The following GPR137C variants were observed in gnomAD, a reference collection of about 807,000 sequenced individuals.
GPR137C encodes G protein-coupled receptor 137C.
GPR137C carries 27 observed loss-of-function variants against 43.4 expected under a neutral mutation model. That is an observed-to-expected ratio of 0.62 (90% CI 0.46 to 0.86). The LOEUF is 0.86. Among genes scored for constraint, GPR137C ranks in the 40% least tolerant of loss-of-function variants. The probability of loss-of-function intolerance (pLI) is 0.00; values close to 1 mark genes in which losing one functional copy is unlikely to be tolerated. For synonymous variants in GPR137C, 285 were observed against 226.9 expected, an observed-to-expected ratio of 1.26 and a Z score of -2.30; for missense variants, 522 against 534.6, an observed-to-expected ratio of 0.98 and a Z score of 0.23.
intron 3 of GPR137C, chr14:52,611,579 T>C: frequency 2.4e-6 from 1 of 413,736 alleles, no homozygotes; most frequent in Non-Finnish European, 3.3e-6. Context: ...TTATTTAAAA[T>C]GTTATTAAAC....
chr14:52,571,884 A>C (rs1045683279), intron 1 of GPR137C, among the ~76,000 whole-genome samples: 1 of 152,236 alleles, frequency 6.6e-6, no homozygotes, highest in Non-Finnish European at 1.5e-5. Context: ...AGAGGAATCA[A>C]ATAGACACAG....
At chr14:52,591,566 C>T (rs1414144866) in intron 1 of GPR137C, among the ~76,000 whole-genome samples, 1 of 152,210 alleles carries the variant, frequency 6.6e-6, no homozygotes, top group South Asian at 2.1e-4. Flanking sequence ...ATTTGTGTCT[C>T]TCTAATGAGC....
chr14:52,554,672 T>G (rs1439533635), intron 1 of GPR137C, among the ~76,000 whole-genome samples: 3 of 151,478 alleles, frequency 2.0e-5, no homozygotes, highest in Non-Finnish European at 4.4e-5. Flanking sequence ...TCTCAAAGGC[T>G]TTTTTGGAGG....
intron 1 of GPR137C, among the ~76,000 whole-genome samples, chr14:52,564,402 C>G (rs922440596): frequency 6.6e-6 from 1 of 152,048 alleles, no homozygotes; most frequent in African/African-American, 2.4e-5. Context: ...AACTATGCTC[C>G]TCATTCCTCA....
chr14:52,564,806 A>C (rs2038341683), intron 1 of GPR137C, among the ~76,000 whole-genome samples: 1 of 152,160 alleles, frequency 6.6e-6, no homozygotes, highest in Admixed American at 6.5e-5. Context: ...TAAATATTGA[A>C]TGAAGTTCTT....
chr14:52,593,438 C>T (rs756160074), intron 1 of GPR137C, among the ~76,000 whole-genome samples: 21 of 152,082 alleles, frequency 1.4e-4, no homozygotes, highest in Non-Finnish European at 2.8e-4. Flanking sequence ...TGGTAGAATT[C>T]GGCTGTGAAT....
chr14:52,631,091 T>C (rs73291388), intron 3 of GPR137C, among the ~76,000 whole-genome samples: 1,631 of 152,316 alleles, frequency 0.011, 23 homozygotes, highest in African/African-American at 0.036. Flanking sequence ...ACACATTCTA[T>C]GTGTTTGTGG....
chr14:52,622,661 A>G (rs1488920362), intron 3 of GPR137C, among the ~76,000 whole-genome samples: 4 of 152,034 alleles, frequency 2.6e-5, no homozygotes, highest in African/African-American at 9.7e-5. Context: ...CTGTCAGGTA[A>G]AAAATGGTGT....
intron 1 of GPR137C, among the ~76,000 whole-genome samples, chr14:52,563,429 C>T (rs1287918847): frequency 6.6e-6 from 1 of 152,122 alleles, no homozygotes; most frequent in South Asian, 2.1e-4. Flanking sequence ...GTATCTGATG[C>T]ACTCAGATTC....
intron 1 of GPR137C, among the ~76,000 whole-genome samples, chr14:52,559,817 G>C (rs1353974041): frequency 6.6e-6 from 1 of 152,100 alleles, no homozygotes; most frequent in African/African-American, 2.4e-5. Context: ...AAGCTTATAG[G>C]ATATAACTTT....
At chr14:52,627,017 ATCATT>A (rs1208121974) in intron 3 of GPR137C, among the ~76,000 whole-genome samples, 5 of 152,226 alleles carry the variant, frequency 3.3e-5, no homozygotes, top group Non-Finnish European at 7.3e-5. Context: ...AAGATGCAGT[ATCATT>A]AAGATGGCAA....
In GPR137C at chr14:52,608,761, C is replaced by G. The variant is rs114369694; in HGVS notation, c.717+8420C>G. ...TCTGAATATATCATCCCATTCACTC[C>G]TGGCCCGTAATGTTTCTGCTGAGAA... On this transcript the variant is annotated intron_variant, in intron 3 of 6. Coordinates refer to ENST00000321662, the MANE Select transcript of GPR137C (RefSeq NM_001099652.2). 6.2e-3 allele frequency among the ~76,000 whole-genome samples: 943 copies of G among 152,076 alleles called. 7 individuals are homozygous for G. The highest frequency in any genetic ancestry group is 0.021 in the African/African-American group (874 of 41,468).
At position 52,574,372 on chromosome 14, in the gene GPR137C, G is replaced by T. The variant is rs574264403; in HGVS notation, c.444+20781G>T. ...AGAAAATGTGGCACATATACACCAT[G>T]AAATACTATGCAGCCATAAAAAAGG... On this transcript the variant is annotated intron_variant, in intron 1 of 6. Coordinates refer to ENST00000321662, the MANE Select transcript of GPR137C (RefSeq NM_001099652.2). Among the ~76,000 whole-genome samples, 14 of 152,262 alleles carry T rather than the reference G, an allele frequency of 9.2e-5. No individual in the cohort carries two copies. In the South Asian group the frequency reaches 2.7e-3, roughly 29 times the overall value.
chr14:52,625,374 CG>C (rs2039210788), intron 3 of GPR137C, among the ~76,000 whole-genome samples: 1 of 149,844 alleles, frequency 6.7e-6, no homozygotes, highest in Non-Finnish European at 1.5e-5. Flanking sequence ...CGCTTCTACT[CG>C]GGAGACTGAG....
chr14:52,577,464 G>C (rs2038574870), intron 1 of GPR137C, among the ~76,000 whole-genome samples: 1 of 151,604 alleles, frequency 6.6e-6, no homozygotes, highest in South Asian at 2.1e-4. Context: ...TAGCAGAAAA[G>C]AGATCAGAAC....
chr14:52,568,406 G>C (rs1428894358), intron 1 of GPR137C, among the ~76,000 whole-genome samples: 1 of 152,142 alleles, frequency 6.6e-6, no homozygotes, highest in African/African-American at 2.4e-5. Context: ...GCTAACTGCA[G>C]GAGTTTTTTT....
chr14:52,603,809 G>A (rs1015022209), intron 3 of GPR137C, among the ~76,000 whole-genome samples: 1 of 152,096 alleles, frequency 6.6e-6, no homozygotes, highest in Admixed American at 6.6e-5. Context: ...AAAGTGCTGG[G>A]ATTACAGATG....
intron 3 of GPR137C, among the ~76,000 whole-genome samples, chr14:52,603,888 T>A (rs143477449): frequency 1.3e-3 from 203 of 152,228 alleles, no homozygotes; most frequent in African/African-American, 4.5e-3. Flanking sequence ...CCATCAACAG[T>A]GTACAGGCAT....
chr14:52,607,874 C>CA lies in GPR137C; in HGVS notation c.717+7546dup, dbSNP rs1196369084. On this transcript the variant is annotated intron_variant, in intron 3 of 6. Transcript: ENST00000321662. ...TGGGCAGCAGAGCGAGACTCTGTCT[C>CA]AAAAAAAAAAAAAGAAAAAGACAAG... Among the ~76,000 whole-genome samples the CA allele has an allele frequency of 8.3e-3, 1,010 of 122,312 alleles. 11 individuals are homozygous for CA. Among genetic ancestry groups the CA allele is most frequent in the African/African-American group, 0.027 (880 of 33,074 alleles). 80.2% of individuals were successfully genotyped at this position (122,312 alleles called of 152,430 possible).
Sources: allele counts gnomAD v4.1 joint callset (sites outside exome capture counted in the v4.1 genomes callset), GRCh38; gene constraint gnomAD v4.1.1; transcripts MANE v1.5; gene names NCBI Gene and HGNC (gene_info 2026-07-23, HGNC 2026-07-21).